LOC101059915: variants seen among roughly 807,000 people sequenced by gnomAD.
the LOC101059915 span, chrX:71,668,147 C>T: frequency 7.9e-6 from 9 of 1,134,954 alleles, no homozygotes; most frequent in East Asian, 1.6e-4. Context: ...ATCATGCCGC[C>T]GTCCAGCGTC....
At chrX:71,668,075 CG>C in the LOC101059915 span, 1 of 1,152,182 alleles carries the variant, frequency 8.7e-7, no homozygotes, top group Non-Finnish European at 1.2e-6. Context: ...CCTGGCACCC[CG>C]GTCGACGACC....
the LOC101059915 span, chrX:71,670,588 T>C: frequency 9.1e-7 from 1 of 1,099,797 alleles, no homozygotes. Flanking sequence ...ACCATTTCTT[T>C]TCCACTGGTG....
the LOC101059915 span, chrX:71,669,664 C>T: frequency 1.0e-6 from 1 of 972,637 alleles, no homozygotes; most frequent in East Asian, 4.1e-5. Flanking sequence ...AACCTCACAG[C>T]CCTCGGCCTT....
the LOC101059915 span, chrX:71,669,021 T>C: frequency 2.7e-4 from 309 of 1,161,680 alleles, no homozygotes; most frequent in African/African-American, 4.7e-3. Flanking sequence ...CAAATAGAGA[T>C]GAGGTCCCAA....
At chrX:71,669,858 C>A in the LOC101059915 span, 1 of 608,687 alleles carries the variant, frequency 1.6e-6, no homozygotes, top group African/African-American at 2.4e-5. Flanking sequence ...GGGGTGTCGA[C>A]AGGGCTGGCT....
At chrX:71,668,349 G>A in the LOC101059915 span, 84 of 1,140,453 alleles carry the variant, frequency 7.4e-5, no homozygotes, top group East Asian at 2.1e-3. Flanking sequence ...AAAGGGGCTC[G>A]AAGAGCAGAT....
At chrX:71,667,609 G>C in the LOC101059915 span, 8 of 307,718 alleles carry the variant, frequency 2.6e-5, no homozygotes, top group African/African-American at 1.9e-4. Flanking sequence ...ACTGTGGTGA[G>C]GGTGGCGGTG....
the LOC101059915 span, chrX:71,669,837 C>T: frequency 2.8e-6 from 2 of 709,543 alleles, no homozygotes; most frequent in Non-Finnish European, 3.8e-6. Flanking sequence ...GGCAGCTGTC[C>T]CACAGGAAAT....
At chrX:71,668,278 G>A in the LOC101059915 span, 1 of 1,130,066 alleles carries the variant, frequency 8.8e-7, no homozygotes, top group African/African-American at 1.8e-5. Context: ...ATGGCAGCAG[G>A]CCTCTGCCGG....
chrX:71,670,088 G>T, the LOC101059915 span, among the ~76,000 whole-genome samples: 1 of 112,486 alleles, frequency 8.9e-6, no homozygotes, highest in African/African-American at 3.2e-5. Context: ...GTGCAGATGG[G>T]CTCACGAGGG....
the LOC101059915 span, chrX:71,668,407 G>C: frequency 8.6e-7 from 1 of 1,158,286 alleles, no homozygotes; most frequent in African/African-American, 1.8e-5. Context: ...AGGCCCCGCC[G>C]GGCTGAATAC....
the LOC101059915 span, chrX:71,670,453 G>A: frequency 1.4e-5 from 16 of 1,109,649 alleles, no homozygotes; most frequent in East Asian, 2.6e-4. Flanking sequence ...CCCATGCAGA[G>A]TGAGTGCCTC....
At chrX:71,668,406 C>T in the LOC101059915 span, 38 of 1,157,711 alleles carry the variant, frequency 3.3e-5, no homozygotes, top group South Asian at 4.7e-4. Flanking sequence ...AAGGCCCCGC[C>T]GGGCTGAATA....
the LOC101059915 span, chrX:71,670,568 G>A: frequency 7.3e-6 from 8 of 1,099,168 alleles, no homozygotes; most frequent in Non-Finnish European, 9.5e-6. Context: ...AAGGAAGCCA[G>A]AATTGACTAA....
chrX:71,670,736 G>T, the LOC101059915 span: 1 of 1,092,404 alleles, frequency 9.2e-7, no homozygotes, highest in Non-Finnish European at 1.2e-6. Context: ...TGGACTGCAG[G>T]TATAGGTGGT....
chrX:71,668,457 G>C, the LOC101059915 span: 2 of 1,158,275 alleles, frequency 1.7e-6, no homozygotes, highest in Non-Finnish European at 2.3e-6. Context: ...GCGACTTACC[G>C]GTGATTAGGG....
the LOC101059915 span, chrX:71,669,736 A>G: frequency 1.0e-6 from 1 of 969,449 alleles, no homozygotes; most frequent in Non-Finnish European, 1.3e-6. Context: ...CGGGTTTGAT[A>G]GGGGTGGAGG....
the LOC101059915 span, chrX:71,669,081 CTCTCCTCTTCCTCTT>C: frequency 8.9e-7 from 1 of 1,121,658 alleles, no homozygotes; most frequent in African/African-American, 1.8e-5. Context: ...CTCCTCCTTG[CTCTCCTCTTCCTCTT>C]TCTCCTCTGT....
chrX:71,669,841 A>C, the LOC101059915 span: 1 of 672,914 alleles, frequency 1.5e-6, no homozygotes, highest in Non-Finnish European at 2.0e-6. Context: ...GCTGTCCCAC[A>C]GGAAATGGGG....
Sources: gnomAD v4.1 joint callset for allele counts (sites outside exome capture counted in the v4.1 genomes callset) on GRCh38, gnomAD v4.1.1 for gene constraint, MANE v1.5 for transcripts.